NEGR1: variants seen among roughly 807,000 people sequenced by gnomAD.
NEGR1 encodes the protein IgLON family member 4.
NEGR1 carries 10 observed loss-of-function variants against 40.9 expected under a neutral mutation model. The observed-to-expected ratio is 0.24, with a 90% CI of 0.15 to 0.42. NEGR1 has a LOEUF of 0.42. Ranked by LOEUF, NEGR1 falls within the 10% of genes least tolerant of loss-of-function variation. The pLI is 1.00. For missense variants in NEGR1, 352 were observed against 438.9 expected (o/e 0.80, Z 1.77); for synonymous variants, 185 against 166.8 (o/e 1.11, Z -0.84).
chr1:71,789,334 C>T (rs1480865031), intron 2 of NEGR1, among the ~76,000 whole-genome samples: 1 of 152,090 alleles, frequency 6.6e-6, no homozygotes, highest in Admixed American at 6.6e-5. Context: ...TTTACAAGAT[C>T]ATAATTAGTA....
At chr1:71,796,766 A>G (rs1346601068) in intron 2 of NEGR1, among the ~76,000 whole-genome samples, 1 of 152,156 alleles carries the variant, frequency 6.6e-6, no homozygotes, top group African/African-American at 2.4e-5. Context: ...AGGGGTATAG[A>G]TGTACAAAAA....
At chr1:72,167,127 C>T (rs1457474657) in intron 1 of NEGR1, among the ~76,000 whole-genome samples, 11 of 152,038 alleles carry the variant, frequency 7.2e-5, no homozygotes, top group Middle Eastern at 3.4e-3. Context: ...AGATGAGATG[C>T]AAAATCTTAA....
intron 1 of NEGR1, among the ~76,000 whole-genome samples, chr1:71,970,984 T>C (rs1033890190): frequency 2.0e-5 from 3 of 152,190 alleles, no homozygotes; most frequent in Non-Finnish European, 2.9e-5. Context: ...AGAGGGTCTT[T>C]ACAGATGTAA....
intron 1 of NEGR1, among the ~76,000 whole-genome samples, chr1:72,209,053 A>T (rs951667306): frequency 6.6e-6 from 1 of 151,674 alleles, no homozygotes; most frequent in African/African-American, 2.4e-5. Flanking sequence ...AAACAGATGT[A>T]ATTATTTTGA....
intron 2 of NEGR1, among the ~76,000 whole-genome samples, chr1:71,820,663 G>A (rs980881471): frequency 2.0e-5 from 3 of 151,920 alleles, no homozygotes; most frequent in Non-Finnish European, 2.9e-5. Context: ...GTACAATCAA[G>A]AATGACACTT....
chr1:71,438,089 G>A (rs1053460199), intron 6 of NEGR1, among the ~76,000 whole-genome samples: 2 of 152,130 alleles, frequency 1.3e-5, no homozygotes, highest in East Asian at 3.9e-4. Flanking sequence ...AAATTACAAC[G>A]CTTGTTGAGA....
At chr1:71,879,237 T>G (rs1225091610) in intron 2 of NEGR1, among the ~76,000 whole-genome samples, 4 of 152,016 alleles carry the variant, frequency 2.6e-5, no homozygotes, top group Admixed American at 2.0e-4. Flanking sequence ...TAGGGAGAGA[T>G]ATTTCTTTTT....
intron 6 of NEGR1, among the ~76,000 whole-genome samples, chr1:71,547,211 A>G (rs1647927895): frequency 6.6e-6 from 1 of 151,782 alleles, no homozygotes; most frequent in African/African-American, 2.4e-5. Flanking sequence ...AACCTCTTCT[A>G]AATTTCTTTC....
chr1:72,263,336 A>G (rs1022643327), intron 1 of NEGR1, among the ~76,000 whole-genome samples: 45 of 151,716 alleles, frequency 3.0e-4, no homozygotes, highest in African/African-American at 1.0e-3. Context: ...TAGGCATCAG[A>G]TTTTTTTAAA....
rs149210320 is a variant in NEGR1, at chr1:71,671,569, G to A, written c.667+26439C>T. Among the ~76,000 whole-genome samples the A allele has an allele frequency of 3.8e-3, 574 of 152,244 alleles. 3 individuals carry two copies. Among genetic ancestry groups the A allele is most frequent in the African/African-American group, 0.012 (515 of 41,538 alleles). ...ATTATACTCAAGTAATGATTTCCAG[G>A]TTATTGTTCATAAGCCAGCCATCTT... On this transcript the variant is annotated intron_variant, in intron 4 of 6. Transcript: ENST00000357731.
intron 1 of NEGR1, among the ~76,000 whole-genome samples, chr1:71,982,034 A>G (rs756632828): frequency 2.6e-5 from 4 of 152,164 alleles, no homozygotes; most frequent in Non-Finnish European, 5.9e-5. Flanking sequence ...CCAATGAGCA[A>G]TGTCCTATAA....
rs114146327 is a variant in NEGR1 at position 72,148,342 on chromosome 1, G to A, written c.176+133977C>T. Among the ~76,000 whole-genome samples, 906 of 152,180 alleles carry A rather than the reference G, an allele frequency of 6.0e-3. 6 individuals carry two copies. The highest frequency in any genetic ancestry group is 0.021 in the African/African-American group (857 of 41,532). ...CTTCCACCCTCTGAAGCAACAGCCT[G>A]AGCTCTACATTGGCCCCTTTCAGTG... On this transcript the variant is annotated intron_variant, in intron 1 of 6. Transcript: ENST00000357731.
intron 1 of NEGR1, among the ~76,000 whole-genome samples, chr1:71,995,894 C>A (rs1048610152): frequency 6.6e-6 from 1 of 152,040 alleles, no homozygotes; most frequent in Admixed American, 6.5e-5. Context: ...TAAAAAATTA[C>A]TTTTACTCTT....
At chr1:71,936,386 G>A (rs560704799) in intron 1 of NEGR1, among the ~76,000 whole-genome samples, 9 of 152,212 alleles carry the variant, frequency 5.9e-5, no homozygotes, top group Non-Finnish European at 1.0e-4. Flanking sequence ...TTAGTCTAGC[G>A]AGGAAGACAC....
rs899101912 is a variant in NEGR1, at chr1:72,148,309, G to T, written c.176+134010C>A. ...TCAACACCACATAGAAGCTGCGAAGGCTTGTGGCTTCCACCCTCTGAAGCA... is the reference window on the plus strand; with the variant it reads ...TCAACACCACATAGAAGCTGCGAAGTCTTGTGGCTTCCACCCTCTGAAGCA... On this transcript the variant is annotated intron_variant, in intron 1 of 6. Transcript: ENST00000357731. 2.0e-5 allele frequency among the ~76,000 whole-genome samples: 3 copies of T among 152,226 alleles called. No individual in the cohort carries two copies. The South Asian group carries it at 6.2e-4, about 32-fold the overall frequency.
intron 4 of NEGR1, among the ~76,000 whole-genome samples, chr1:71,685,838 C>A (rs1005187582): frequency 6.6e-6 from 1 of 152,212 alleles, no homozygotes; most frequent in East Asian, 1.9e-4. Context: ...ATTATATAAA[C>A]GTGAATTAAA....
chr1:72,093,644 T>G (rs1481293167), intron 1 of NEGR1, among the ~76,000 whole-genome samples: 1 of 152,208 alleles, frequency 6.6e-6, no homozygotes, highest in Non-Finnish European at 1.5e-5. Flanking sequence ...ATATTGGTGA[T>G]GTGCTTCTTT....
intron 2 of NEGR1, among the ~76,000 whole-genome samples, chr1:71,807,159 G>T (rs1298334117): frequency 6.6e-6 from 1 of 151,982 alleles, no homozygotes. Flanking sequence ...GCCTCCCAAA[G>T]TGCTGGGATT....
chr1:71,588,108 T>A (rs1331769780), intron 6 of NEGR1, among the ~76,000 whole-genome samples: 2 of 152,124 alleles, frequency 1.3e-5, no homozygotes, highest in Non-Finnish European at 2.9e-5. Context: ...GATTACTGAA[T>A]TCCCACTAAA....
Sources: allele counts gnomAD v4.1 joint callset (sites outside exome capture counted in the v4.1 genomes callset), GRCh38; gene constraint gnomAD v4.1.1; transcripts MANE v1.5; gene names NCBI Gene and HGNC (gene_info 2026-07-23, HGNC 2026-07-21).